The following USP24 variants were observed in gnomAD, a reference collection of about 807,000 sequenced individuals.
The protein encoded by USP24 is ubiquitin specific peptidase 24.
USP24 carries 97 observed loss-of-function variants against 361.6 expected under a neutral mutation model. The ratio of observed to expected loss-of-function variants is 0.27; its 90% confidence interval spans 0.23 to 0.32. The LOEUF (loss-of-function observed/expected upper bound fraction) is 0.32, where lower values mean the gene tolerates loss of function less well. Among genes scored for constraint, USP24 ranks in the 10% least tolerant of loss-of-function variants. USP24 has a pLI of 1.00. For missense variants in USP24, 2,353 were observed against 3,165.6 expected (o/e 0.74, Z 6.16); for synonymous variants, 1,098 against 1,124.6 (o/e 0.98, Z 0.47).
intron 51 of USP24, among the ~76,000 whole-genome samples, 187 bp downstream of exon 51, chr1:55,095,068 A>G (rs1294923342): frequency 6.6e-6 from 1 of 152,234 alleles, no homozygotes; most frequent in Non-Finnish European, 1.5e-5. Flanking sequence ...ATGTTTCTAA[A>G]TATGTAACAA....
chr1:55,155,438 C>G (rs1459071198), intron 12 of USP24, among the ~76,000 whole-genome samples: 1 of 152,186 alleles, frequency 6.6e-6, no homozygotes, highest in African/African-American at 2.4e-5. Flanking sequence ...TAGAGTCATT[C>G]ATTGAATGTA....
intron 7 of USP24, among the ~76,000 whole-genome samples, chr1:55,165,628 T>C (rs1449463486): frequency 6.6e-6 from 1 of 152,036 alleles, no homozygotes; most frequent in East Asian, 1.9e-4. Flanking sequence ...AGTAAGATAA[T>C]TTCATGTAAC....
In USP24 at chr1:55,121,444, T is replaced by C. The variant is rs558109924; in HGVS notation, c.4339A>G (p.Ser1447Gly). The change falls in exon 37 of 68, where the codon AGT becomes GGT. Residue 1447 changes from serine (S) to glycine (G), a missense_variant. Physicochemically the swap from Ser to Gly is moderately conservative, Grantham distance 56 (BLOSUM62 0). Around this residue, in one of 8 missense-constraint regions of USP24, gnomAD observed 949 missense variants for 1,280.5 expected, o/e 0.74. Transcript: ENST00000294383. ...ATGTGAAAAATCCTTACCTCAGCAC[T>C]TGGTGATCCGAGCAGAATATCAATG... ...FIIDILLGSPSAEIRRVACDQ... is the reference protein window; with the variant it reads ...FIIDILLGSPGAEIRRVACDQ... 6.2e-7 allele frequency: 1 copy of C among 1,613,524 alleles called. No individual in the cohort carries two copies. The highest frequency in any genetic ancestry group is 1.6e-4 in the Middle Eastern group (1 of 6,062).
chr1:55,146,171 A>G, intron 19 of USP24, 62 bp from the exon 20 acceptor site: 1 of 1,198,154 alleles, frequency 8.3e-7, no homozygotes, highest in South Asian at 1.4e-5. Flanking sequence ...TACATATTCC[A>G]AACTGGAAAA....
At chr1:55,203,147 T>A (rs1344810880) in intron 1 of USP24, among the ~76,000 whole-genome samples, 2 of 152,332 alleles carry the variant, frequency 1.3e-5, no homozygotes, top group African/African-American at 4.8e-5. Context: ...GTTTTCCGCA[T>A]CCTCTGGGGT....
intron 53 of USP24, 89 bp downstream of exon 53, chr1:55,092,732 G>T: frequency 1.0e-6 from 1 of 979,620 alleles, no homozygotes; most frequent in Non-Finnish European, 1.5e-6. Context: ...GCTAACTACT[G>T]AGACTGAGGA....
chr1:55,116,474 G>C (rs1440025846), intron 38 of USP24, among the ~76,000 whole-genome samples: 2 of 151,894 alleles, frequency 1.3e-5, no homozygotes, highest in South Asian at 2.1e-4. Context: ...ACTCAGAAAT[G>C]AAAGTGGGTA....
chr1:55,190,164 C>CAAAAAAAAAA (rs397696116), intron 1 of USP24, among the ~76,000 whole-genome samples: 7 of 78,638 alleles, frequency 8.9e-5, no homozygotes, highest in East Asian at 3.6e-4. Flanking sequence ...GACTCCATCT[C>CAAAAAAAAAA]AAAAAAAAAA....
At position 55,083,311 on chromosome 1, in the gene USP24, C is replaced by G; in HGVS notation, c.6936G>C (p.Met2312Ile). The stretch of plus-strand genomic sequence containing the variant: ...GACTGGCCCCTAGGAGGAAGCTGAT[C>G]ATGTGCCGCAGAGCTGAATGCCTCA... ...LLLRHSALRH[M>I]ISFLLGASRQ... Residue 2312 changes from methionine to isoleucine, a missense_variant, in exon 58 of 68, where the codon ATG (methionine) becomes ATC (isoleucine). Transcript: ENST00000294383. The G allele has an allele frequency of 1.2e-6, 2 of 1,613,776 alleles. No homozygotes were observed. The highest frequency in any genetic ancestry group is 1.7e-6 in the Non-Finnish European group (2 of 1,179,732).
intron 39 of USP24, 129 bp from the exon 40 acceptor site, chr1:55,107,559 T>G (rs1645810330): frequency 8.8e-7 from 1 of 1,130,296 alleles, no homozygotes. Flanking sequence ...AAACTATCAT[T>G]AAGGCCAGGC....
At chr1:55,084,171 C>T (rs1040013149) in intron 56 of USP24, among the ~76,000 whole-genome samples, 1 of 152,164 alleles carries the variant, frequency 6.6e-6, no homozygotes, top group African/African-American at 2.4e-5. Flanking sequence ...CACATTTTCT[C>T]CAGAGCCAGT....
At chr1:55,081,538 C>T (rs369452219) in intron 58 of USP24, 114 bp from the exon 59 acceptor site, 1 of 1,021,922 alleles carries the variant, frequency 9.8e-7, no homozygotes, top group Non-Finnish European at 1.5e-6. Context: ...TTTCTCAGTG[C>T]TTGACAGAAG....
intron 1 of USP24, among the ~76,000 whole-genome samples, chr1:55,187,863 A>T (rs1644176300): frequency 6.6e-6 from 1 of 152,234 alleles, no homozygotes. Context: ...AAATTGGTCT[A>T]CAAATTGAAC....
rs1487992286 is a variant in USP24, at chr1:55,067,781, CA to C, written c.*1263del. ...AACAGGGCCGAAAATGTGAGCAATT[CA>C]AAATACAAAATGTACAAAATATATA... is the stretch of plus-strand genomic sequence containing the variant. On this transcript the variant is annotated 3_prime_UTR_variant, in exon 68 of 68. Coordinates refer to ENST00000294383, the MANE Select transcript of USP24 (RefSeq NM_015306.3). The C allele has an allele frequency of 6.6e-6, 1 of 152,114 alleles. No homozygotes were observed. Among genetic ancestry groups the C allele is most frequent in the African/African-American group, 2.4e-5 (1 of 41,424 alleles). 9.4% of individuals were successfully genotyped at this position (152,114 alleles called of 1,614,324 possible). A position where few individuals can be genotyped will look rare whatever the true frequency, so the allele number is the denominator to read the frequency against.
chr1:55,145,564 G>A (rs1460280452), intron 20 of USP24, among the ~76,000 whole-genome samples: 3 of 152,146 alleles, frequency 2.0e-5, no homozygotes, highest in Non-Finnish European at 4.4e-5. Flanking sequence ...AATGTTCTGG[G>A]ATTGGAACAG....
intron 1 of USP24, among the ~76,000 whole-genome samples, chr1:55,184,443 C>T (rs1348836691): frequency 1.3e-5 from 2 of 152,078 alleles, no homozygotes; most frequent in African/African-American, 4.8e-5. Context: ...CAACAGAGAT[C>T]TAAAACACAG....
At chr1:55,150,771 A>C (rs141301634) in intron 16 of USP24, among the ~76,000 whole-genome samples, 1 of 152,332 alleles carries the variant, frequency 6.6e-6, no homozygotes, top group Non-Finnish European at 1.5e-5. Flanking sequence ...GCAAACAGGA[A>C]AGATGTTGTT....
Position 55,144,139 on chromosome 1 carries a change from T to C in USP24, c.2427A>G (p.Gln809=), listed in dbSNP as rs754779407. 4.4e-6 allele frequency: 7 copies of C among 1,607,940 alleles called. No homozygotes were observed. The highest frequency in any genetic ancestry group is 5.9e-6 in the Non-Finnish European group (7 of 1,177,496). The stretch of plus-strand genomic sequence containing the variant: ...ATAACGTACTTACCAACTGAGCTCC[T>C]TGTCTTTTCAATCGATGATCACAAA... ...VNLCDHRLKR[Q]GAQLYVEKLE... The change falls in exon 21 of 68, where the codon CAA becomes CAG. Residue 809 remains glutamine, a synonymous_variant. Coordinates refer to ENST00000294383, the MANE Select transcript of USP24 (RefSeq NM_015306.3).
chr1:55,215,125 C>G lies in USP24; in HGVS notation c.-12G>C, dbSNP rs753016964. 1.8e-5 allele frequency: 22 copies of G among 1,251,228 alleles called. No homozygotes were observed. The Middle Eastern group carries it at 6.6e-4, about 38-fold the overall frequency. 77.5% of individuals were successfully genotyped at this position (1,251,228 alleles called of 1,614,324 possible). A position where few individuals can be genotyped will look rare whatever the true frequency, so the allele number is the denominator to read the frequency against. On this transcript the variant is annotated 5_prime_UTR_variant, in exon 1 of 68. Transcript: ENST00000294383. ...TCCTCCGATTCCATGGCTTGGGCCT[C>G]CTGGCCGCCCCGGCCAGCGCACGGC...
Sources: allele counts gnomAD v4.1 joint callset (sites outside exome capture counted in the v4.1 genomes callset), GRCh38; gene constraint gnomAD v4.1.1; regional missense constraint gnomAD v4.1.1; transcripts MANE v1.5; gene names NCBI Gene and HGNC (gene_info 2026-07-23, HGNC 2026-07-21).